RUSC2: variants seen among roughly 807,000 people sequenced by gnomAD.
RUSC2 encodes AP-4 complex accessory subunit RUSC2.
A neutral mutation model predicts 122.2 loss-of-function variants in RUSC2; 34 were observed. The ratio of observed to expected loss-of-function variants is 0.28; its 90% confidence interval spans 0.21 to 0.37. The LOEUF (loss-of-function observed/expected upper bound fraction) is 0.37, where lower values mean the gene tolerates loss of function less well. Ranked by LOEUF, RUSC2 falls within the 10% of genes least tolerant of loss-of-function variation. The pLI, the probability that RUSC2 is intolerant of heterozygous loss-of-function variation, is 1.00. For synonymous variants in RUSC2, 784 were observed against 790.0 expected (o/e 0.99, Z 0.13); for missense variants, 1,747 against 1,952.4 (o/e 0.89, Z 1.98).
At chr9:35,495,810 TG>T (rs1820700247) in intron 1 of RUSC2, among the ~76,000 whole-genome samples, 1 of 152,212 alleles carries the variant, frequency 6.6e-6, no homozygotes, top group South Asian at 2.1e-4. Flanking sequence ...GATCACCAGA[TG>T]TTTTTTCATT....
chr9:35,559,088 T>C (rs561301638), intron 8 of RUSC2, 138 bp from the exon 9 acceptor site: 5 of 744,628 alleles, frequency 6.7e-6, no homozygotes, highest in Non-Finnish European at 1.2e-5. Context: ...CCCCACTGAC[T>C]TTCTGGAATT....
At chr9:35,501,200 T>C (rs1820812003) in intron 1 of RUSC2, among the ~76,000 whole-genome samples, 2 of 152,242 alleles carry the variant, frequency 1.3e-5, no homozygotes, top group Non-Finnish European at 2.9e-5. Flanking sequence ...TCTAACCTGT[T>C]CAGGTTTCCC....
chr9:35,527,135 G>C (rs914038259), intron 1 of RUSC2, among the ~76,000 whole-genome samples: 1 of 63,292 alleles, frequency 1.6e-5, no homozygotes, highest in Non-Finnish European at 5.0e-5. Context: ...TTGTCCTTTC[G>C]TTGTTTTTTT....
chr9:35,547,132 AGT>A lies in RUSC2; in HGVS notation c.615_616del (p.Cys205TrpfsTer21). Reference sequence around the variant, plus strand: ...GAAGCAGAGACTATGGAGCTGGATGAGTGTGGGGGACCTGGTGGGAGTGGCAG... The same window carrying A: ...GAAGCAGAGACTATGGAGCTGGATGAGTGGGGGACCTGGTGGGAGTGGCAG... On this transcript the variant is annotated frameshift_variant, in exon 2 of 12. Transcript: ENST00000361226. LOFTEE classifies it high-confidence loss of function. This position sits in a 1 kb window ranked among gnomAD's most constrained non-coding sequence, Gnocchi z 4.6. The A allele has an allele frequency of 6.2e-7, 1 of 1,614,076 alleles. No homozygotes were observed. The highest frequency in any genetic ancestry group is 8.5e-7 in the Non-Finnish European group (1 of 1,179,986).
intron 2 of RUSC2, among the ~76,000 whole-genome samples, chr9:35,550,682 A>G (rs920401280): frequency 8.5e-5 from 13 of 152,144 alleles, no homozygotes; most frequent in Admixed American, 2.0e-4. Context: ...GAGAGGATCC[A>G]GGGAGAATGT....
In RUSC2 at chr9:35,555,218, T is replaced by G; in HGVS notation, c.2173T>G (p.Cys725Gly). 1 of 1,613,192 alleles carries G rather than the reference T, an allele frequency of 6.2e-7. No homozygotes were observed. The highest frequency in any genetic ancestry group is 2.2e-5 in the East Asian group (1 of 44,872). ...SLSQLYSLSG[C>G]SRTQQPAPLA... ...TTCCCAGCTCTACAGCCTCTCAGGC[T>G]GCAGCCGTACACAGCAGCCTGCCCC... The change falls in exon 3 of 12, where the codon TGC becomes GGC. Residue 725 changes from cysteine to glycine, a missense_variant. By Grantham distance (159) the Cys-to-Gly change is radical. Transcript: ENST00000361226. This position sits in a 1 kb window ranked among gnomAD's most constrained non-coding sequence, Gnocchi z 4.6.
rs747822283 is a variant in RUSC2, at chr9:35,560,818, G to A, written c.4178G>A (p.Arg1393Gln). ...GIKWGHLFGS[R>Q]KAQREARPTN... ...AAGTGGGGACACCTCTTTGGCTCCC[G>A]AAAAGCCCAGCGGGAGGCCCGGCCC... The change falls in exon 10 of 12, where the codon CGA becomes CAA. Residue 1393 changes from arginine to glutamine, a missense_variant. Transcript: ENST00000361226. The A allele has an allele frequency of 9.8e-6, 15 of 1,528,316 alleles. No homozygotes were observed. Among genetic ancestry groups the A allele is most frequent in the South Asian group, 6.6e-5 (5 of 76,056 alleles). 94.7% of individuals were successfully genotyped at this position (1,528,316 alleles called of 1,614,324 possible). A position where few individuals can be genotyped will look rare whatever the true frequency, so the allele number is the denominator to read the frequency against.
chr9:35,498,658 A>G (rs1054382760), intron 1 of RUSC2, among the ~76,000 whole-genome samples: 2 of 151,694 alleles, frequency 1.3e-5, no homozygotes, highest in African/African-American at 4.8e-5. Flanking sequence ...GGAGATCAAG[A>G]CCATCCTGGC....
At chr9:35,490,862 CG>C (rs1188296558) in intron 1 of RUSC2, among the ~76,000 whole-genome samples, 2 of 152,168 alleles carry the variant, frequency 1.3e-5, no homozygotes, top group African/African-American at 4.8e-5. Flanking sequence ...CCTGCGGACA[CG>C]GGGAACTGTC....
chr9:35,548,516 T>C lies in RUSC2; in HGVS notation c.1995T>C (p.Asp665=). The C allele has an allele frequency of 6.2e-7, 1 of 1,612,630 alleles. No homozygotes were observed. ...CAGCCAACAGCCATACCCAGAGGGATGCAAGAGCTAGAGCTGACGGTAAGG... is the reference window on the plus strand; with the variant it reads ...CAGCCAACAGCCATACCCAGAGGGACGCAAGAGCTAGAGCTGACGGTAAGG... The part of the protein sequence containing the change: ...GSPANSHTQR[D]ARARADGGGT... Residue 665 remains aspartate, a synonymous_variant, in exon 2 of 12, where the codon GAT becomes GAC. Coordinates refer to ENST00000361226, the MANE Select transcript of RUSC2 (RefSeq NM_014806.5). The surrounding 1 kb of genome is among the most constrained non-coding windows in gnomAD (Gnocchi z 4.5).
chr9:35,561,805 C>A lies in RUSC2; in HGVS notation c.*423C>A, dbSNP rs1039215005. 6.9e-6 allele frequency: 4 copies of A among 579,102 alleles called. No homozygotes were observed. In the African/African-American group the frequency reaches 7.4e-5, roughly 11 times the overall value. 35.9% of individuals were successfully genotyped at this position (579,102 alleles called of 1,614,324 possible). On this transcript the variant is annotated 3_prime_UTR_variant, in exon 12 of 12. Transcript: ENST00000361226. ...TAGGCTGTGGCCAGTGCCTGGTCAT[C>A]AGAAGAGGGAGGAGGAGCCCAGGCG...
At chr9:35,526,101 C>T (rs1428269810) in intron 1 of RUSC2, among the ~76,000 whole-genome samples, 1 of 152,114 alleles carries the variant, frequency 6.6e-6, no homozygotes. Context: ...CTGTTCAGAT[C>T]TATAGTAGGG....
intron 1 of RUSC2, chr9:35,507,554 T>C (rs1339289659): frequency 4.8e-6 from 1 of 207,532 alleles, no homozygotes; most frequent in Non-Finnish European, 1.0e-5. Flanking sequence ...CTGACAGCAC[T>C]CCAGCGAACA....
intron 9 of RUSC2, 33 bp downstream of exon 9, chr9:35,559,305 T>G (rs776915740): frequency 1.3e-6 from 2 of 1,569,674 alleles, no homozygotes; most frequent in African/African-American, 2.7e-5. Flanking sequence ...TCAAACTCAA[T>G]GGGTCAGAAT....
At chr9:35,549,980 G>C (rs139723876) in intron 2 of RUSC2, among the ~76,000 whole-genome samples, 2,687 of 152,262 alleles carry the variant, frequency 0.018, 87 homozygotes, top group African/African-American at 0.058. Flanking sequence ...GGGAGGCCAA[G>C]GCGGGCGGAT....
At chr9:35,512,752 A>G (rs1323491421) in intron 1 of RUSC2, among the ~76,000 whole-genome samples, 2 of 152,156 alleles carry the variant, frequency 1.3e-5, no homozygotes, top group African/African-American at 2.4e-5. Context: ...TCCCTCTTTT[A>G]TACATCAAGC....
chr9:35,553,676 A>G (rs943808336), intron 2 of RUSC2, among the ~76,000 whole-genome samples: 6 of 152,210 alleles, frequency 3.9e-5, no homozygotes, highest in African/African-American at 1.4e-4. Flanking sequence ...ATGTTCATGC[A>G]TCTGGTGTGT....
intron 1 of RUSC2, among the ~76,000 whole-genome samples, chr9:35,528,355 G>A (rs1356292397): frequency 1.3e-5 from 2 of 151,708 alleles, no homozygotes; most frequent in African/African-American, 4.8e-5. Flanking sequence ...CTGCACTCCA[G>A]CCTGGGTGAC....
Position 35,557,213 on chromosome 9 carries a change from C to CT in RUSC2, c.2984-700dup, listed in dbSNP as rs1822041068. Among the ~76,000 whole-genome samples, 1 of 152,052 alleles carries CT rather than the reference C, an allele frequency of 6.6e-6. No individual in the cohort carries two copies. Among genetic ancestry groups the CT allele is most frequent in the Non-Finnish European group, 1.5e-5 (1 of 68,024 alleles). On this transcript the variant is annotated intron_variant, in intron 5 of 11. Coordinates refer to ENST00000361226, the MANE Select transcript of RUSC2 (RefSeq NM_014806.5). The surrounding 1 kb of genome is among the most constrained non-coding windows in gnomAD (Gnocchi z 4.6). ...GGAGAGAACTGAGCATAATTGTGGG[C>CT]TGAAGATGAGCCTGTGAAGAGAGAG...
Sources: allele counts gnomAD v4.1 joint callset (sites outside exome capture counted in the v4.1 genomes callset), GRCh38; gene constraint gnomAD v4.1.1; non-coding constraint Gnocchi (gnomAD v3.1); transcripts MANE v1.5; gene names NCBI Gene and HGNC (gene_info 2026-07-23, HGNC 2026-07-21).